Variants in DMD observed in about 807,000 individuals in gnomAD.
DMD encodes dystrophin.
In DMD, 63 loss-of-function variants were observed where a neutral mutation model predicts 330.1. That is an observed-to-expected ratio of 0.19 (90% CI 0.16 to 0.24). The LOEUF is 0.24. DMD is among the 10% of genes least tolerant of loss of function. DMD has a pLI of 1.00. For synonymous variants in DMD, 1,223 were observed against 959.8 expected, an observed-to-expected ratio of 1.27 and a Z score of -5.07; for missense variants, 3,344 against 2,684.1, an observed-to-expected ratio of 1.25 and a Z score of -5.43.
chrX:32,911,844 C>T (rs1028866077), intron 2 of DMD, among the ~76,000 whole-genome samples: 11 of 110,949 alleles, frequency 9.9e-5, no homozygotes, highest in African/African-American at 3.3e-4. Flanking sequence ...TAAGCAGACA[C>T]AAAAAGTCAT....
chrX:32,240,422 G>A (rs1029133023), intron 43 of DMD, among the ~76,000 whole-genome samples: 3 of 111,282 alleles, frequency 2.7e-5, no homozygotes, highest in African/African-American at 9.8e-5. Flanking sequence ...AGGTTACAGT[G>A]AGAAGACAGG....
chrX:32,046,347 T>A (rs1488885632), intron 44 of DMD, among the ~76,000 whole-genome samples: 3 of 112,501 alleles, frequency 2.7e-5, no homozygotes, highest in African/African-American at 9.7e-5. Context: ...ACCCTTCTCC[T>A]CACACAGAAA....
At chrX:31,988,430 T>C (rs1049330293) in intron 44 of DMD, among the ~76,000 whole-genome samples, 13 of 82,240 alleles carry the variant, frequency 1.6e-4, no homozygotes, top group South Asian at 6.6e-4. Context: ...GCCGAGATCA[T>C]GCCACTGCAC....
chrX:31,252,471 A>T (rs1603229388), intron 63 of DMD, among the ~76,000 whole-genome samples: 2 of 111,793 alleles, frequency 1.8e-5, no homozygotes, highest in South Asian at 7.5e-4. Context: ...CTTGAGTCTC[A>T]GTCTGCTCAA....
intron 60 of DMD, among the ~76,000 whole-genome samples, chrX:31,385,078 T>G (rs2060384322): frequency 8.9e-6 from 1 of 112,124 alleles, no homozygotes; most frequent in African/African-American, 3.2e-5. Flanking sequence ...TCCTCAAAAT[T>G]CCTACATGAA....
intron 55 of DMD, among the ~76,000 whole-genome samples, chrX:31,570,668 T>A (rs777940147): frequency 1.1e-3 from 97 of 88,319 alleles, no homozygotes; most frequent in Non-Finnish European, 1.9e-3. Context: ...CGGGCCAGTA[T>A]AACTTAATAG....
chrX:32,669,419 C>T (rs772216349), intron 9 of DMD, among the ~76,000 whole-genome samples: 4 of 111,644 alleles, frequency 3.6e-5, no homozygotes, highest in South Asian at 7.5e-4. Flanking sequence ...ACTCTTAAAT[C>T]GTACCTAACT....
intron 51 of DMD, among the ~76,000 whole-genome samples, chrX:31,757,191 A>G (rs899496722): frequency 3.6e-5 from 4 of 111,801 alleles, no homozygotes; most frequent in South Asian, 3.7e-4. Context: ...AACAAAAACA[A>G]TATCATGTAG....
chrX:32,645,158 C>A lies in DMD; in HGVS notation c.961-6G>T. On this transcript the variant is annotated splice_region_variant and splice_polypyrimidine_tract_variant and intron_variant, in intron 9 of 78. Coordinates refer to ENST00000357033, the MANE Select transcript of DMD (RefSeq NM_004006.3). ...TCTTCAGGAGCTTCCAAATGCTGCA[C>A]AATAAAATAAATTGGGTGTTACACA... The A allele has an allele frequency of 8.3e-7, 1 of 1,209,812 alleles. No individual in the cohort carries two copies. The highest frequency in any genetic ancestry group is 1.1e-6 in the Non-Finnish European group (1 of 894,270).
In DMD at chrX:32,653,590, G is replaced by C. The variant is rs183052928; in HGVS notation, c.961-8438C>G. Among the ~76,000 whole-genome samples the C allele has an allele frequency of 3.8e-3, 423 of 111,935 alleles. 5 individuals are homozygous for C. Among genetic ancestry groups the C allele is most frequent in the Admixed American group, 0.03 (314 of 10,553 alleles). Reference sequence around the variant, plus strand: ...GTAGTATAGTTTAAAATCAGGTAGTGTGATACCTCCAGCTTTGTTCTTTTG... The same window carrying C: ...GTAGTATAGTTTAAAATCAGGTAGTCTGATACCTCCAGCTTTGTTCTTTTG... On this transcript the variant is annotated intron_variant, in intron 9 of 78. Coordinates refer to ENST00000357033, the MANE Select transcript of DMD (RefSeq NM_004006.3).
At chrX:31,440,262 C>G (rs945143811) in intron 60 of DMD, among the ~76,000 whole-genome samples, 20 of 109,661 alleles carry the variant, frequency 1.8e-4, no homozygotes, top group African/African-American at 6.7e-4. Flanking sequence ...ATTCTCCTGC[C>G]TCAGCTTCCC....
Position 32,248,261 on chromosome X carries a change from TG to T in DMD, c.6291-31199del, listed in dbSNP as rs2097249763. 1.9e-4 allele frequency among the ~76,000 whole-genome samples: 21 copies of T among 111,703 alleles called. No individual in the cohort carries two copies. In the South Asian group the frequency reaches 6.7e-3, roughly 35 times the overall value. The stretch of plus-strand genomic sequence containing the variant: ...TTTAATAATCAATATTTAATGAAAA[TG>T]CCGTTCTTAAATTTATCTCATATTT... On this transcript the variant is annotated intron_variant, in intron 43 of 78. Coordinates refer to ENST00000357033, the MANE Select transcript of DMD (RefSeq NM_004006.3).
At chrX:32,923,322 A>G (rs1054516150) in intron 2 of DMD, among the ~76,000 whole-genome samples, 6 of 111,478 alleles carry the variant, frequency 5.4e-5, no homozygotes, top group African/African-American at 2.0e-4. Flanking sequence ...ATACTTTGGG[A>G]GGCCAAGGCA....
intron 29 of DMD, among the ~76,000 whole-genome samples, chrX:32,424,213 T>A (rs2098202212): frequency 9.1e-6 from 1 of 109,957 alleles, no homozygotes; most frequent in African/African-American, 3.3e-5. Flanking sequence ...AATTTTTATA[T>A]AAAGACAAAG....
chrX:32,336,058 A>G (rs921617973), intron 41 of DMD, among the ~76,000 whole-genome samples: 1 of 104,417 alleles, frequency 9.6e-6, no homozygotes, highest in Non-Finnish European at 2.0e-5. Flanking sequence ...ATATAACGTT[A>G]TATATAACGT....
chrX:33,123,723 G>A (rs1171465066), intron 1 of DMD, among the ~76,000 whole-genome samples: 1 of 97,952 alleles, frequency 1.0e-5, no homozygotes, highest in African/African-American at 4.1e-5. Context: ...CGGTTCAAAT[G>A]AGTTTTTTTT....
At chrX:31,122,139 T>TGTTA (rs1248444375) in intron 78 of DMD, among the ~76,000 whole-genome samples, 2 of 112,033 alleles carry the variant, frequency 1.8e-5, no homozygotes, top group Non-Finnish European at 3.8e-5. Flanking sequence ...ACACGTTGTT[T>TGTTA]GTTAGTATCA....
At chrX:33,009,475 T>C (rs187727595) in intron 2 of DMD, among the ~76,000 whole-genome samples, 1,795 of 89,370 alleles carry the variant, frequency 0.02, 35 homozygotes, top group Middle Eastern at 0.039. Context: ...TATGTGTGTA[T>C]GTGTATACAC....
At chrX:31,279,821 A>G (rs886464346) in intron 62 of DMD, among the ~76,000 whole-genome samples, 1 of 112,759 alleles carries the variant, frequency 8.9e-6, no homozygotes, top group Non-Finnish European at 1.9e-5. Flanking sequence ...TTTATGAACT[A>G]TTGTTCAAAT....
Sources: allele counts gnomAD v4.1 joint callset (sites outside exome capture counted in the v4.1 genomes callset), GRCh38; gene constraint gnomAD v4.1.1; transcripts MANE v1.5; gene names NCBI Gene and HGNC (gene_info 2026-07-23, HGNC 2026-07-21).